GCKR: variants seen among roughly 807,000 people sequenced by gnomAD.
GCKR encodes the protein glucokinase regulator, also known as glucokinase regulatory protein.
A neutral mutation model predicts 82.9 loss-of-function variants in GCKR; 73 were observed. That is an observed-to-expected ratio of 0.88 (90% CI 0.73 to 1.07). GCKR has a LOEUF of 1.07. Among genes scored for constraint, GCKR ranks in the 50% least tolerant of loss-of-function variants. The pLI, the probability that GCKR is intolerant of heterozygous loss-of-function variation, is 0.00. For synonymous variants in GCKR, 294 were observed against 291.8 expected (o/e 1.01, Z -0.08); for missense variants, 784 against 782.1 (o/e 1.00, Z -0.03).
At chr2:27,501,266 G>A in intron 8 of GCKR, 37 bp downstream of exon 8, 1 of 1,308,890 alleles carries the variant, frequency 7.6e-7, no homozygotes, top group African/African-American at 1.4e-5. Context: ...CCCTGGGGCA[G>A]GCTGGAGGGG....
Position 27,496,933 on chromosome 2 carries a change from T to G in GCKR, c.29T>G (p.Val10Gly). The change falls in exon 1 of 19, where the codon GTC becomes GGC. Residue 10 changes from valine to glycine, a missense_variant. By Grantham distance (109) the Val-to-Gly change is moderately radical. Transcript: ENST00000264717. The stretch of plus-strand genomic sequence containing the variant: ...CCAGGCACAAAACGGTTTCAACATG[T>G]CATTGAGACCCCGGAGCCTGGCAAG... The part of the protein sequence containing the change: MPGTKRFQH[V>G]IETPEPGKWE... 1 of 1,613,772 alleles carries G rather than the reference T, an allele frequency of 6.2e-7. No individual in the cohort carries two copies. The highest frequency in any genetic ancestry group is 8.5e-7 in the Non-Finnish European group (1 of 1,179,678).
At chr2:27,512,872 G>A (rs1669923144) in intron 16 of GCKR, among the ~76,000 whole-genome samples, 1 of 152,148 alleles carries the variant, frequency 6.6e-6, no homozygotes, top group African/African-American at 2.4e-5. Context: ...AGTAAGTCCA[G>A]GTCAGTTGTT....
At chr2:27,500,002 C>T (rs552827693) in intron 7 of GCKR, among the ~76,000 whole-genome samples, 24 of 152,196 alleles carry the variant, frequency 1.6e-4, no homozygotes, top group African/African-American at 5.5e-4. Flanking sequence ...AGGTGCTCCA[C>T]CTGCCTCGCT....
At chr2:27,522,128 A>G (rs1247340697) in intron 17 of GCKR, among the ~76,000 whole-genome samples, 2 of 152,178 alleles carry the variant, frequency 1.3e-5, no homozygotes, top group African/African-American at 4.8e-5. Context: ...AGTGTGCAAG[A>G]TGGATTTGGT....
rs1422956573 is a variant in GCKR, at chr2:27,522,601, T to C, written c.1707+7T>C. The C allele has an allele frequency of 5.0e-6, 8 of 1,609,834 alleles. No individual in the cohort carries two copies. Among genetic ancestry groups the C allele is most frequent in the Non-Finnish European group, 4.3e-6 (5 of 1,176,102 alleles). ...TGCACATGAGAAGGAACAGGTATCCTGCCCACTGCTGGTCATTCAACAAAT... is the reference window on the plus strand; with the variant it reads ...TGCACATGAGAAGGAACAGGTATCCCGCCCACTGCTGGTCATTCAACAAAT... On this transcript the variant is annotated splice_region_variant and intron_variant, in intron 18 of 18. Coordinates refer to ENST00000264717, the MANE Select transcript of GCKR (RefSeq NM_001486.4).
intron 16 of GCKR, among the ~76,000 whole-genome samples, chr2:27,510,110 G>A (rs1669846075): frequency 6.6e-6 from 1 of 151,712 alleles, no homozygotes; most frequent in Non-Finnish European, 1.5e-5. Context: ...CCAGGTTCAC[G>A]CCATTCTCCT....
Position 27,506,569 on chromosome 2 carries a change from G to A in GCKR, c.958G>A (p.Val320Ile), listed in dbSNP as rs141818801. Residue 320 changes from valine to isoleucine, a missense_variant, in exon 11 of 19, where the codon GTC becomes ATC. Val to Ile is a conservative substitution (Grantham distance 29, BLOSUM62 3). Transcript: ENST00000264717. ...SPKIATLMKSVSTSLEKKGHV... is the reference protein window; with the variant it reads ...SPKIATLMKSISTSLEKKGHV... ...CAAGATTGCCACCCTGATGAAGAGTGTCAGCACCAGGTGTGTGGATATGTG... is the reference window on the plus strand; with the variant it reads ...CAAGATTGCCACCCTGATGAAGAGTATCAGCACCAGGTGTGTGGATATGTG... 9 of 1,606,568 alleles carry A rather than the reference G, an allele frequency of 5.6e-6. No individual in the cohort carries two copies. The highest frequency in any genetic ancestry group is 7.7e-6 in the Non-Finnish European group (9 of 1,173,080).
chr2:27,505,201 C>T (rs1486492306), intron 9 of GCKR, among the ~76,000 whole-genome samples: 1 of 143,816 alleles, frequency 7.0e-6, no homozygotes, highest in Non-Finnish European at 1.5e-5. Context: ...TCGAGACCAT[C>T]CTGGCTAACA....
chr2:27,504,855 A>ACC lies in GCKR; in HGVS notation c.751-863_751-862insCC, dbSNP rs756053253. Among the ~76,000 whole-genome samples, 256 of 151,704 alleles carry ACC rather than the reference A, an allele frequency of 1.7e-3. 2 individuals are homozygous for ACC. Among genetic ancestry groups the ACC allele is most frequent in the Non-Finnish European group, 3.1e-3 (209 of 67,906 alleles). ...GAAACACACTCTCTGGTCTGGGTGTAGTGGCTCACGCCTGTAATCCCAGCA... is the reference window on the plus strand; with the variant it reads ...GAAACACACTCTCTGGTCTGGGTGTACCGTGGCTCACGCCTGTAATCCCAGCA... On this transcript the variant is annotated intron_variant, in intron 9 of 18. Transcript: ENST00000264717.
intron 17 of GCKR, among the ~76,000 whole-genome samples, chr2:27,521,086 T>C (rs780903800): frequency 2.0e-4 from 30 of 152,004 alleles, no homozygotes; most frequent in Non-Finnish European, 4.0e-4. Context: ...AAAAAACAAA[T>C]TGAGGTGTGC....
chr2:27,498,594 C>G (rs1669483292), intron 4 of GCKR, 130 bp from the exon 5 acceptor site: 1 of 725,634 alleles, frequency 1.4e-6, no homozygotes, highest in South Asian at 1.5e-5. Context: ...GTGCGAGATT[C>G]CATGTAGGAC....
chr2:27,510,281 T>A (rs1358710802), intron 16 of GCKR, among the ~76,000 whole-genome samples: 1 of 152,140 alleles, frequency 6.6e-6, no homozygotes, highest in Non-Finnish European at 1.5e-5. Context: ...AGTGCTGCGA[T>A]TACAGGCGTG....
chr2:27,523,682 A>T lies in GCKR; in HGVS notation c.*243A>T, dbSNP rs2148595622. ...AATAAAATGAAATGTCTTATTTTGG[A>T]AAGTTAACCTTTCAAAGTCAGTAAA... On this transcript the variant is annotated 3_prime_UTR_variant, in exon 19 of 19. Transcript: ENST00000264717. 1 of 528,336 alleles carries T rather than the reference A, an allele frequency of 1.9e-6. No homozygotes were observed. Among genetic ancestry groups the T allele is most frequent in the South Asian group, 2.0e-5 (1 of 49,538 alleles). 32.7% of individuals were successfully genotyped at this position (528,336 alleles called of 1,614,324 possible).
At chr2:27,503,224 C>A (rs1173663550) in intron 8 of GCKR, among the ~76,000 whole-genome samples, 1 of 152,214 alleles carries the variant, frequency 6.6e-6, no homozygotes, top group African/African-American at 2.4e-5. Flanking sequence ...ATAGCCATGG[C>A]ATTGGGGCTT....
At chr2:27,498,108 A>C in intron 3 of GCKR, 147 bp from the exon 4 acceptor site, 1 of 664,212 alleles carries the variant, frequency 1.5e-6, no homozygotes, top group Non-Finnish European at 2.7e-6. Context: ...TTTTTGCTAC[A>C]CTACATTGCA....
chr2:27,505,727 C>T lies in GCKR; in HGVS notation c.760C>T (p.Leu254Phe). The stretch of plus-strand genomic sequence containing the variant: ...GTCTTCACCTCTTCAGCCCGAGGGT[C>T]TCAGCGGCTCCTCCCGGATGAAAGG... The part of the protein sequence containing the change: ...VLNPAIGPEG[L>F]SGSSRMKGGS... Residue 254 changes from leucine (L) to phenylalanine (F), a missense_variant, in exon 10 of 19, where the codon CTC becomes TTC. By Grantham distance (22) the Leu-to-Phe change is conservative. Coordinates refer to ENST00000264717, the MANE Select transcript of GCKR (RefSeq NM_001486.4). 1 of 1,601,034 alleles carries T rather than the reference C, an allele frequency of 6.2e-7. No homozygotes were observed.
chr2:27,515,776 T>TTC (rs1558441539), intron 16 of GCKR, among the ~76,000 whole-genome samples: 1 of 145,866 alleles, frequency 6.9e-6, no homozygotes, highest in Non-Finnish European at 1.5e-5. Flanking sequence ...TTTTTTTTTT[T>TTC]TTTTTGAGAC....
intron 16 of GCKR, among the ~76,000 whole-genome samples, chr2:27,512,511 G>A (rs548203511): frequency 6.6e-6 from 1 of 150,570 alleles, no homozygotes; most frequent in Non-Finnish European, 1.5e-5. Flanking sequence ...CTCCAGCCTG[G>A]GTGACAGAGT....
chr2:27,499,280 C>A, intron 6 of GCKR, 72 bp downstream of exon 6: 3 of 1,364,336 alleles, frequency 2.2e-6, no homozygotes, highest in Non-Finnish European at 3.2e-6. Flanking sequence ...AAAGCCCCAG[C>A]ATTCAGCCAA....
Sources: allele counts gnomAD v4.1 joint callset (sites outside exome capture counted in the v4.1 genomes callset), GRCh38; gene constraint gnomAD v4.1.1; transcripts MANE v1.5; gene names NCBI Gene and HGNC (gene_info 2026-07-23, HGNC 2026-07-21).